WDPCP: variants seen among roughly 807,000 people sequenced by gnomAD.
WDPCP encodes WD repeat-containing and planar cell polarity effector protein fritz homolog.
Under a neutral mutation model 93.1 loss-of-function variants are expected in WDPCP, and 71 were observed. The observed-to-expected ratio is 0.76, with a 90% CI of 0.63 to 0.93. WDPCP has a LOEUF of 0.93. Ranked by LOEUF, WDPCP falls within the 40% of genes least tolerant of loss-of-function variation. The pLI is 0.00. For synonymous variants in WDPCP, 315 were observed against 315.0 expected, an observed-to-expected ratio of 1.00 and a Z score of 0.00; for missense variants, 844 against 887.4, an observed-to-expected ratio of 0.95 and a Z score of 0.62.
intron 2 of WDPCP, among the ~76,000 whole-genome samples, chr2:63,656,184 C>T (rs1047113028): frequency 6.6e-6 from 1 of 152,152 alleles, no homozygotes; most frequent in African/African-American, 2.4e-5. Context: ...ACAGGAAGAT[C>T]CCAAGTAGCA....
intron 6 of WDPCP, chr2:63,441,092 A>T (rs974055999): frequency 1.3e-5 from 2 of 152,184 alleles, no homozygotes; most frequent in Non-Finnish European, 2.9e-5. Context: ...TATTTGACTT[A>T]ACAGATTATT....
chr2:63,807,200 G>T (rs1575778345), intron 2 of WDPCP, among the ~76,000 whole-genome samples: 2 of 152,182 alleles, frequency 1.3e-5, no homozygotes, highest in South Asian at 4.1e-4. Context: ...CCCTCCGTCT[G>T]GGGTCCCTGA....
chr2:63,257,744 G>A (rs546130346), intron 14 of WDPCP, among the ~76,000 whole-genome samples: 4 of 152,274 alleles, frequency 2.6e-5, no homozygotes, highest in African/African-American at 9.6e-5. Context: ...ATGCATTTTG[G>A]TGAATTGGGG....
intron 1 of WDPCP, among the ~76,000 whole-genome samples, chr2:63,568,861 A>C (rs975493621): frequency 6.6e-6 from 1 of 152,230 alleles, no homozygotes; most frequent in African/African-American, 2.4e-5. Context: ...ATTTAGGCTA[A>C]ATTGTGAGAG....
At chr2:63,576,773 C>CA (rs1479325539) in intron 1 of WDPCP, among the ~76,000 whole-genome samples, 1 of 152,090 alleles carries the variant, frequency 6.6e-6, no homozygotes, top group Non-Finnish European at 1.5e-5. Context: ...CACTAGCATA[C>CA]AAAAAACACT....
At chr2:63,702,388 T>C (rs1024157118) in intron 2 of WDPCP, among the ~76,000 whole-genome samples, 1 of 152,168 alleles carries the variant, frequency 6.6e-6, no homozygotes, top group Non-Finnish European at 1.5e-5. Flanking sequence ...ACAAATTATA[T>C]ATACCCTGAA....
rs1295047271 is a variant in WDPCP, at chr2:63,603,837, A to C, written n.488+46822T>G. Among the ~76,000 whole-genome samples, 3 of 152,038 alleles carry C rather than the reference A, an allele frequency of 2.0e-5. No homozygotes were observed. In the East Asian group the frequency reaches 5.8e-4, roughly 29 times the overall value. ...CAAGCCCGGCTAACTTTGTATTTTTAGTAGAGACAGGGTTTCTCCATGTTG... is the reference window on the plus strand; with the variant it reads ...CAAGCCCGGCTAACTTTGTATTTTTCGTAGAGACAGGGTTTCTCCATGTTG... On this transcript the variant is annotated intron_variant and non_coding_transcript_variant, in intron 3 of 4. Coordinates refer to the WDPCP transcript ENST00000467687.
intron 16 of WDPCP, 101 bp from the exon 17 acceptor site, chr2:63,153,046 A>T (rs1671989692): frequency 1.0e-6 from 1 of 953,520 alleles, no homozygotes. Flanking sequence ...TAAAATAATA[A>T]CAAGTTACAA....
At chr2:63,246,541 G>A (rs1680290049) in intron 14 of WDPCP, among the ~76,000 whole-genome samples, 1 of 152,170 alleles carries the variant, frequency 6.6e-6, no homozygotes, top group African/African-American at 2.4e-5. Flanking sequence ...CATCCTATCA[G>A]CAGTGAGCAG....
At chr2:63,157,840 A>AT (rs1672363678) in intron 15 of WDPCP, among the ~76,000 whole-genome samples, 1 of 151,930 alleles carries the variant, frequency 6.6e-6, no homozygotes, top group African/African-American at 2.4e-5. Flanking sequence ...GACTTCATTA[A>AT]TTTTTTTGTT....
At chr2:63,142,667 AT>A (rs1378995833) in intron 17 of WDPCP, among the ~76,000 whole-genome samples, 1 of 152,056 alleles carries the variant, frequency 6.6e-6, no homozygotes, top group African/African-American at 2.4e-5. Context: ...GTTTAAATCC[AT>A]TGTTTCTTTG....
At chr2:63,421,090 TTTAC>T (rs1695824999) in intron 9 of WDPCP, among the ~76,000 whole-genome samples, 1 of 152,220 alleles carries the variant, frequency 6.6e-6, no homozygotes, top group African/African-American at 2.4e-5. Context: ...GCTCTACATC[TTTAC>T]TTATTCAAAT....
At chr2:63,285,045 G>A (rs1162903742) in intron 13 of WDPCP, among the ~76,000 whole-genome samples, 2 of 152,082 alleles carry the variant, frequency 1.3e-5, no homozygotes, top group Non-Finnish European at 2.9e-5. Flanking sequence ...AAGGTAAAAA[G>A]AAGAAAAGGC....
chr2:63,755,369 C>A (rs1219740399), intron 2 of WDPCP, among the ~76,000 whole-genome samples: 1 of 152,140 alleles, frequency 6.6e-6, no homozygotes, highest in Non-Finnish European at 1.5e-5. Context: ...ACTCGCATGG[C>A]TACATCTAAT....
At chr2:63,666,620 A>C (rs1710286683) in intron 2 of WDPCP, among the ~76,000 whole-genome samples, 1 of 152,152 alleles carries the variant, frequency 6.6e-6, no homozygotes, top group Admixed American at 6.5e-5. Flanking sequence ...CTAATGACTG[A>C]TTCTCCCAGG....
At chr2:63,594,158 G>A in intron 3 of WDPCP, 1 of 467,432 alleles carries the variant, frequency 2.1e-6, no homozygotes, top group Non-Finnish European at 4.2e-6. Flanking sequence ...AAGGATTTGT[G>A]TGGCTCTAGT....
intron 2 of WDPCP, among the ~76,000 whole-genome samples, chr2:63,723,231 C>G (rs1335428478): frequency 2.0e-5 from 3 of 150,228 alleles, no homozygotes; most frequent in African/African-American, 2.5e-5. Flanking sequence ...CACTATTGTC[C>G]TATGACCCTG....
chr2:63,547,870 G>C (rs1705272038), intron 1 of WDPCP, among the ~76,000 whole-genome samples: 1 of 152,002 alleles, frequency 6.6e-6, no homozygotes. Context: ...GTGTTTCACA[G>C]ATCAGTAGAA....
chr2:63,412,621 C>T (rs966702418), intron 9 of WDPCP, among the ~76,000 whole-genome samples: 2 of 152,012 alleles, frequency 1.3e-5, no homozygotes, highest in Admixed American at 6.6e-5. Context: ...GATTGTTTAC[C>T]TTGAAAACTG....
Sources: gnomAD v4.1 joint callset for allele counts (sites outside exome capture counted in the v4.1 genomes callset) on GRCh38, gnomAD v4.1.1 for gene constraint, MANE v1.5 for transcripts, NCBI Gene and HGNC (gene_info 2026-07-23, HGNC 2026-07-21) for gene names.